The following RHBDD2 variants were observed in gnomAD, a reference collection of about 807,000 sequenced individuals.
RHBDD2 encodes the protein rhomboid domain containing 2, also known as rhomboid domain-containing protein 2.
In RHBDD2, 13 loss-of-function variants were observed where a neutral mutation model predicts 21.7. The ratio of observed to expected loss-of-function variants is 0.60; its 90% CI spans 0.39 to 0.95. RHBDD2 has a LOEUF of 0.95. Ranked by LOEUF, RHBDD2 falls within the 40% of genes least tolerant of loss-of-function variation. The pLI is 0.00. For synonymous variants in RHBDD2, 225 were observed against 220.0 expected (o/e 1.02, Z -0.20); for missense variants, 473 against 478.9 (o/e 0.99, Z 0.11).
At chr7:75,887,966 C>T (rs782569015) in intron 3 of RHBDD2, 26 bp from the exon 4 acceptor site, 2 of 1,586,954 alleles carry the variant, frequency 1.3e-6, no homozygotes, top group Non-Finnish European at 1.7e-6. Flanking sequence ...CGCTGAAGGA[C>T]CATTTTCTCT....
chr7:75,879,302 C>T (rs1554542043), intron 1 of RHBDD2, 42 bp downstream of exon 1: 2 of 1,419,334 alleles, frequency 1.4e-6, no homozygotes, highest in Non-Finnish European at 1.8e-6. Flanking sequence ...AGTCCTTGTC[C>T]TCCGACTTTG....
At chr7:75,879,410 G>A in intron 1 of RHBDD2, 150 bp downstream of exon 1, 1 of 692,588 alleles carries the variant, frequency 1.4e-6, no homozygotes, top group East Asian at 3.4e-5. Context: ...CCCCCCGGAG[G>A]ACCGACCTCC....
At position 75,879,351 on chromosome 7, in the gene RHBDD2, A is replaced by G. The variant is rs900438870; in HGVS notation, c.178+91A>G. On this transcript the variant is annotated intron_variant, in intron 1 of 3. Coordinates refer to ENST00000006777, the MANE Select transcript of RHBDD2 (RefSeq NM_001040456.3). Reference sequence around the variant, plus strand: ...TCTAGCCTCCGGGACTCGCCCCTTCAGGCCTCACCGCCAGTCTCCCCCTGT... The same window carrying G: ...TCTAGCCTCCGGGACTCGCCCCTTCGGGCCTCACCGCCAGTCTCCCCCTGT... 63 of 1,224,172 alleles carry G rather than the reference A, an allele frequency of 5.1e-5. No individual in the cohort carries two copies. The African/African-American group carries it at 8.3e-4, about 16-fold the overall frequency. 75.8% of individuals were successfully genotyped at this position (1,224,172 alleles called of 1,614,324 possible).
At chr7:75,887,398 A>G (rs1230973588) in intron 3 of RHBDD2, among the ~76,000 whole-genome samples, 1 of 150,768 alleles carries the variant, frequency 6.6e-6, no homozygotes, top group Non-Finnish European at 1.5e-5. Flanking sequence ...GCTCACTGCA[A>G]CCTCTGCCTC....
chr7:75,883,537 T>G, intron 2 of RHBDD2, 161 bp from the exon 3 acceptor site: 1 of 600,206 alleles, frequency 1.7e-6, no homozygotes, highest in Non-Finnish European at 2.9e-6. Context: ...AAACAAACCT[T>G]TGGCTCTGGG....
rs555848219 is a variant in RHBDD2, at chr7:75,888,327, C to T, written c.1073C>T (p.Ser358Phe). 2 of 1,610,900 alleles carry T rather than the reference C, an allele frequency of 1.2e-6. No individual in the cohort carries two copies. Among genetic ancestry groups the T allele is most frequent in the Non-Finnish European group, 1.7e-6 (2 of 1,179,238 alleles). Residue 358 changes from serine (S) to phenylalanine (F), a missense_variant, in exon 4 of 4, where the codon TCC (serine) becomes TTC (phenylalanine). Transcript: ENST00000006777. ...CCAGGGGCTGCAGGCTCCAAGGAGT[C>T]CTCCAGGGTCCCCATGCCCTGAGAG... ...GTPGAAGSKESSRVPMP is the reference protein window; with the variant it reads ...GTPGAAGSKEFSRVPMP
At chr7:75,879,668 C>T (rs566452061) in intron 1 of RHBDD2, among the ~76,000 whole-genome samples, 4 of 152,312 alleles carry the variant, frequency 2.6e-5, no homozygotes, top group East Asian at 1.9e-4. Context: ...AAACGTTTTT[C>T]TCTCACCTAC....
Position 75,879,054 on chromosome 7 carries a change from C to G in RHBDD2, c.-29C>G, listed in dbSNP as rs1805148119. On this transcript the variant is annotated 5_prime_UTR_variant, in exon 1 of 4. Transcript: ENST00000006777. ...GGAGCAGAGGACCGGCAGCCGGCGT[C>G]GAGGCGGGGCGCGGGAACGACGGCG... 7.3e-6 allele frequency: 10 copies of G among 1,366,618 alleles called. No homozygotes were observed. Among genetic ancestry groups the G allele is most frequent in the Non-Finnish European group, 8.5e-6 (9 of 1,056,918 alleles). 84.7% of individuals were successfully genotyped at this position (1,366,618 alleles called of 1,614,324 possible).
intron 2 of RHBDD2, 187 bp from the exon 3 acceptor site, chr7:75,883,511 T>TC (rs1554543011): frequency 2.0e-6 from 1 of 500,806 alleles, no homozygotes; most frequent in Non-Finnish European, 3.5e-6. Flanking sequence ...AGAGTGAGAC[T>TC]CCATCTCAAA....
At chr7:75,887,019 T>G (rs1805716812) in intron 3 of RHBDD2, among the ~76,000 whole-genome samples, 1 of 152,054 alleles carries the variant, frequency 6.6e-6, no homozygotes, top group South Asian at 2.1e-4. Flanking sequence ...CAGAATATTG[T>G]GTTTCAGGCA....
chr7:75,887,881 G>C (rs1318479991), intron 3 of RHBDD2, 111 bp from the exon 4 acceptor site: 1 of 907,514 alleles, frequency 1.1e-6, no homozygotes, highest in African/African-American at 1.6e-5. Flanking sequence ...GCAAGTCACA[G>C]AAAACATCCA....
chr7:75,881,587 G>C (rs1805325675), intron 1 of RHBDD2: 3 of 1,280,076 alleles, frequency 2.3e-6, no homozygotes, highest in Admixed American at 2.8e-5. Context: ...CTGGAAGTCA[G>C]TTACCGCTAA....
Position 75,881,381 on chromosome 7 carries a change from G to A in RHBDD2, c.179-448G>A, listed in dbSNP as rs537210186. ...TCTGAACAGCCACTATGGAAGGAGG[G>A]GTCAGGATTACAGCAGAGGAGACTG... On this transcript the variant is annotated intron_variant, in intron 1 of 3. Transcript: ENST00000006777. The A allele has an allele frequency of 3.3e-4, 429 of 1,292,220 alleles. 7 individuals are homozygous for A. The South Asian group carries it at 4.1e-3, about 12-fold the overall frequency. 80.0% of individuals were successfully genotyped at this position (1,292,220 alleles called of 1,614,324 possible).
chr7:75,882,268 C>T (rs1221748567), intron 2 of RHBDD2, 32 bp downstream of exon 2: 26 of 1,558,700 alleles, frequency 1.7e-5, no homozygotes, highest in South Asian at 2.4e-5. Context: ...TATAGAACAA[C>T]GCATGTCAAA....
Position 75,888,520 on chromosome 7 carries a change from G to A in RHBDD2, c.*171G>A, listed in dbSNP as rs782054888. On this transcript the variant is annotated 3_prime_UTR_variant, in exon 4 of 4. Transcript: ENST00000006777. The stretch of plus-strand genomic sequence containing the variant: ...ACTCACGGCAGCCCTGTGGAGTACG[G>A]TGTACTGGCCCAGCTTACAGATGCA... The A allele has an allele frequency of 3.3e-5, 20 of 604,778 alleles. No homozygotes were observed. The highest frequency in any genetic ancestry group is 5.8e-5 in the Non-Finnish European group (20 of 343,570). 37.5% of individuals were successfully genotyped at this position (604,778 alleles called of 1,614,324 possible). A position where few individuals can be genotyped will look rare whatever the true frequency, so the allele number is the denominator to read the frequency against.
intron 3 of RHBDD2, 113 bp downstream of exon 3, chr7:75,883,961 C>G: frequency 1.3e-6 from 1 of 760,718 alleles, no homozygotes; most frequent in Non-Finnish European, 2.0e-6. Flanking sequence ...GTGGCACAAT[C>G]TCGGCTCACT....
Position 75,879,399 on chromosome 7 carries a change from G to GC in RHBDD2, c.178+145dup, listed in dbSNP as rs202092290. 9.4e-4 allele frequency: 744 copies of GC among 792,470 alleles called. 4 individuals carry two copies. In the African/African-American group the frequency reaches 0.011, roughly 12 times the overall value. 49.1% of individuals were successfully genotyped at this position (792,470 alleles called of 1,614,324 possible). ...TGTCTCGGTCCTCATCACCATGCCC[G>GC]CCCCCCGGAGGACCGACCTCCAGCA... On this transcript the variant is annotated intron_variant, in intron 1 of 3. Transcript: ENST00000006777.
chr7:75,879,328 T>C lies in RHBDD2; in HGVS notation c.178+68T>C, dbSNP rs1008807457. 10 of 1,361,098 alleles carry C rather than the reference T, an allele frequency of 7.3e-6. No individual in the cohort carries two copies. In the Admixed American group the frequency reaches 3.1e-4, roughly 42 times the overall value. 84.3% of individuals were successfully genotyped at this position (1,361,098 alleles called of 1,614,324 possible). A position where few individuals can be genotyped will look rare whatever the true frequency, so the allele number is the denominator to read the frequency against. ...TCCGACTTTGCCGGTTCCTGGGCTC[T>C]AGCCTCCGGGACTCGCCCCTTCAGG... On this transcript the variant is annotated intron_variant, in intron 1 of 3. Coordinates refer to ENST00000006777, the MANE Select transcript of RHBDD2 (RefSeq NM_001040456.3).
At chr7:75,879,654 T>G (rs1417464102) in intron 1 of RHBDD2, among the ~76,000 whole-genome samples, 1 of 152,200 alleles carries the variant, frequency 6.6e-6, no homozygotes, top group Non-Finnish European at 1.5e-5. Flanking sequence ...TAAGCCCCAC[T>G]GAAAAACGTT....
Sources: gnomAD v4.1 joint callset for allele counts (sites outside exome capture counted in the v4.1 genomes callset) on GRCh38, gnomAD v4.1.1 for gene constraint, MANE v1.5 for transcripts, NCBI Gene and HGNC (gene_info 2026-07-23, HGNC 2026-07-21) for gene names.